The following RIN3 variants were observed in gnomAD, a reference collection of about 807,000 sequenced individuals.
RIN3 encodes the protein RAB5 interacting protein 3.
A neutral mutation model predicts 76.3 loss-of-function variants in RIN3; 54 were observed. The ratio of observed to expected loss-of-function variants is 0.71; its 90% CI spans 0.57 to 0.89. The LOEUF (loss-of-function observed/expected upper bound fraction) is 0.89, where lower values mean the gene tolerates loss of function less well. RIN3 is among the 40% of genes least tolerant of loss of function. The probability of loss-of-function intolerance (pLI) is 0.00; values close to 1 mark genes in which losing one functional copy is unlikely to be tolerated. For missense variants in RIN3, 1,256 were observed against 1,322.1 expected, an observed-to-expected ratio of 0.95 and a Z score of 0.78; for synonymous variants, 576 against 564.0, an observed-to-expected ratio of 1.02 and a Z score of -0.30.
chr14:92,569,539 T>C (rs1278226446), intron 2 of RIN3, among the ~76,000 whole-genome samples: 1 of 151,246 alleles, frequency 6.6e-6, no homozygotes, highest in Non-Finnish European at 1.5e-5. Context: ...ATACAGTTTG[T>C]GAGCCTGTCC....
intron 4 of RIN3, among the ~76,000 whole-genome samples, chr14:92,636,314 A>G (rs1886775952): frequency 6.6e-6 from 1 of 152,232 alleles, no homozygotes; most frequent in Non-Finnish European, 1.5e-5. Context: ...AGCTGGGCAC[A>G]GCGGCTCACG....
chr14:92,649,423 C>G (rs555071522), intron 5 of RIN3, among the ~76,000 whole-genome samples: 1 of 152,084 alleles, frequency 6.6e-6, no homozygotes, highest in African/African-American at 2.4e-5. Flanking sequence ...CACAGTGCTT[C>G]AAACACTCAC....
At position 92,537,008 on chromosome 14, in the gene RIN3, A is replaced by G. The variant is rs566663690; in HGVS notation, c.45-18743A>G. On this transcript the variant is annotated intron_variant, in intron 1 of 9. Transcript: ENST00000216487. ...TAATATGCTCATAGGATTTAAAAAT[A>G]TATATATATATAATGAAAAAGATGT... 2.8e-3 allele frequency among the ~76,000 whole-genome samples: 172 copies of G among 60,622 alleles called. 2 individuals carry two copies. The highest frequency in any genetic ancestry group is 0.014 in the Middle Eastern group (2 of 138). 39.8% of individuals were successfully genotyped at this position (60,622 alleles called of 152,430 possible).
At chr14:92,599,000 A>G (rs1885247911) in intron 3 of RIN3, among the ~76,000 whole-genome samples, 1 of 152,176 alleles carries the variant, frequency 6.6e-6, no homozygotes, top group South Asian at 2.1e-4. Context: ...AGGTGGCAAG[A>G]TAGTCCACGC....
At chr14:92,538,060 T>G (rs950856744) in intron 1 of RIN3, among the ~76,000 whole-genome samples, 1 of 151,736 alleles carries the variant, frequency 6.6e-6, no homozygotes, top group African/African-American at 2.4e-5. Flanking sequence ...CTCTTGACCT[T>G]GTGATCCACC....
intron 7 of RIN3, among the ~76,000 whole-genome samples, chr14:92,662,151 C>T (rs560159746): frequency 6.6e-6 from 1 of 152,368 alleles, no homozygotes; most frequent in Admixed American, 6.5e-5. Flanking sequence ...TTAAGACCCC[C>T]TCATGGCCTG....
At chr14:92,574,251 G>T (rs566860239) in intron 2 of RIN3, among the ~76,000 whole-genome samples, 1 of 152,362 alleles carries the variant, frequency 6.6e-6, no homozygotes, top group South Asian at 2.1e-4. Context: ...TGAGCTTGAG[G>T]AGGCAGTATC....
intron 5 of RIN3, among the ~76,000 whole-genome samples, chr14:92,646,910 C>T (rs1322035550): frequency 2.0e-5 from 3 of 152,174 alleles, no homozygotes; most frequent in African/African-American, 4.8e-5. Context: ...TGATTTTGTG[C>T]GAATATATTT....
chr14:92,668,406 G>A (rs1333725600), intron 7 of RIN3, among the ~76,000 whole-genome samples: 1 of 152,212 alleles, frequency 6.6e-6, no homozygotes, highest in Non-Finnish European at 1.5e-5. Context: ...TCAGACCTCA[G>A]AGCCCACAGC....
intron 3 of RIN3, among the ~76,000 whole-genome samples, chr14:92,592,983 T>G (rs897179041): frequency 6.6e-5 from 10 of 151,550 alleles, no homozygotes; most frequent in East Asian, 3.9e-4. Context: ...CAAAATTTGT[T>G]TTTTTTTTCC....
chr14:92,521,257 C>T (rs1453207275), intron 1 of RIN3, among the ~76,000 whole-genome samples: 1 of 152,046 alleles, frequency 6.6e-6, no homozygotes, highest in Non-Finnish European at 1.5e-5. Flanking sequence ...ATCCATGCAT[C>T]CATCCATCCA....
At chr14:92,576,174 C>CAG in intron 2 of RIN3, 1 of 1,216,724 alleles carries the variant, frequency 8.2e-7, no homozygotes. Context: ...GGGGAGATTC[C>CAG]AGAAGGTGTC....
Position 92,651,722 on chromosome 14 carries a change from CT to C in RIN3, c.674del (p.Leu225ArgfsTer3), listed in dbSNP as rs1887432582. 3 of 1,614,022 alleles carry C rather than the reference CT, an allele frequency of 1.9e-6. No homozygotes were observed. ...HDANCACEIE[L>X]SVGNDRLWFV... The stretch of plus-strand genomic sequence containing the variant: ...CGCAAACTGTGCCTGTGAAATCGAG[CT>C]GTCGGTAGGAAATGACCGCCTGTGG... On this transcript the variant is annotated frameshift_variant, in exon 6 of 10. Transcript: ENST00000216487. LOFTEE classifies it high-confidence loss of function.
intron 1 of RIN3, among the ~76,000 whole-genome samples, chr14:92,538,877 C>T (rs1897069719): frequency 1.3e-5 from 2 of 152,150 alleles, no homozygotes; most frequent in South Asian, 4.2e-4. Context: ...TTCTGTAGCC[C>T]TAGTGACTAT....
Position 92,685,107 on chromosome 14 carries a change from G to A in RIN3, c.2588G>A (p.Arg863Gln). The part of the protein sequence containing the change: ...VQDSIHRWER[R>Q]RTLNKARASR... ...GACTCCATCCACCGCTGGGAGCGCC[G>A]GCGTACTCTCAACAAGGCCCGGGCC... The change falls in exon 9 of 10, where the codon CGG (arginine) becomes CAG (glutamine). Residue 863 changes from arginine (R) to glutamine (Q), a missense_variant. Arg to Gln is a conservative substitution (Grantham distance 43). Transcript: ENST00000216487. This position sits in a 1 kb window ranked among gnomAD's most constrained non-coding sequence, Gnocchi z 4.7. 7 of 1,613,566 alleles carry A rather than the reference G, an allele frequency of 4.3e-6. No homozygotes were observed. The highest frequency in any genetic ancestry group is 5.9e-6 in the Non-Finnish European group (7 of 1,179,862).
At chr14:92,653,311 C>T (rs1190072740) in intron 6 of RIN3, among the ~76,000 whole-genome samples, 5 of 152,132 alleles carry the variant, frequency 3.3e-5, no homozygotes, top group Non-Finnish European at 7.4e-5. Context: ...TTATCTGCAC[C>T]CTCTCTTCCA....
chr14:92,617,282 A>G (rs1886005810), intron 4 of RIN3, among the ~76,000 whole-genome samples: 1 of 152,058 alleles, frequency 6.6e-6, no homozygotes, highest in African/African-American at 2.4e-5. Flanking sequence ...CATGGGCAAC[A>G]AGAGCAAAAC....
Position 92,653,018 on chromosome 14 carries a change from C to G in RIN3, c.1969C>G (p.Gln657Glu), listed in dbSNP as rs755657542. 1 of 1,611,340 alleles carries G rather than the reference C, an allele frequency of 6.2e-7. No homozygotes were observed. Among genetic ancestry groups the G allele is most frequent in the Non-Finnish European group, 8.5e-7 (1 of 1,180,014 alleles). The change falls in exon 6 of 10, where the codon CAG becomes GAG. Residue 657 changes from glutamine to glutamate, a missense_variant. Gln to Glu is a conservative substitution (Grantham distance 29, BLOSUM62 2). Around this residue, in one of 3 missense-constraint regions of RIN3, gnomAD observed 428 missense variants for 521.2 expected, o/e 0.82. Transcript: ENST00000216487. ...MMTQLKSYLL[Q>E]STELKALVDP... is the part of the protein sequence containing the mutation. ...GACCCAGCTCAAGAGCTACCTGCTG[C>G]AGAGCACCGAGCTCAAGGCCCTGGT...
intron 1 of RIN3, among the ~76,000 whole-genome samples, chr14:92,549,318 C>T (rs1036621861): frequency 1.3e-5 from 2 of 152,202 alleles, no homozygotes; most frequent in African/African-American, 4.8e-5. Context: ...TACAGGAAGG[C>T]CTCGGTTCCC....
Sources: allele counts gnomAD v4.1 joint callset (sites outside exome capture counted in the v4.1 genomes callset), GRCh38; gene constraint gnomAD v4.1.1; regional missense constraint gnomAD v4.1.1; non-coding constraint Gnocchi (gnomAD v3.1); transcripts MANE v1.5; gene names NCBI Gene and HGNC (gene_info 2026-07-23, HGNC 2026-07-21).